TBC1D22A: variants seen among roughly 807,000 people sequenced by gnomAD.
TBC1D22A encodes the protein TBC1 domain family member 22A, also known as putative GTPase activator.
A neutral mutation model predicts 60.2 loss-of-function variants in TBC1D22A; 38 were observed. That is an observed-to-expected ratio of 0.63 (90% confidence interval 0.49 to 0.83). The LOEUF is 0.83. Among genes scored for constraint, TBC1D22A ranks in the 40% least tolerant of loss-of-function variants. The pLI, the probability that TBC1D22A is intolerant of heterozygous loss-of-function variation, is 0.00. For synonymous variants in TBC1D22A, 302 were observed against 281.7 expected (o/e 1.07, Z -0.72); for missense variants, 628 against 701.0 (o/e 0.90, Z 1.18).
chr22:46,934,066 G>A (rs1192752108), intron 8 of TBC1D22A, among the ~76,000 whole-genome samples: 5 of 152,036 alleles, frequency 3.3e-5, no homozygotes, highest in African/African-American at 1.2e-4. Flanking sequence ...TTATCTTCTC[G>A]AAAGGAAAAA....
At chr22:47,020,941 G>C (rs1043741042) in intron 10 of TBC1D22A, among the ~76,000 whole-genome samples, 4 of 152,154 alleles carry the variant, frequency 2.6e-5, no homozygotes, top group African/African-American at 9.7e-5. Flanking sequence ...GAAGTAAGGG[G>C]CTGGCCAGAG....
Position 46,891,371 on chromosome 22 carries a change from G to A in TBC1D22A, c.814G>A (p.Val272Ile). The A allele has an allele frequency of 6.2e-7, 1 of 1,612,518 alleles. No individual in the cohort carries two copies. The highest frequency in any genetic ancestry group is 8.5e-7 in the Non-Finnish European group (1 of 1,179,526). ...EHYYDSRNDE[V>I]HQDTYRQIHI... ...CTATTACGATTCTAGGAACGACGAAGTTCACCAGGACACATACAGGCAGGT... is the reference window on the plus strand; with the variant it reads ...CTATTACGATTCTAGGAACGACGAAATTCACCAGGACACATACAGGCAGGT... Residue 272 changes from valine to isoleucine, a missense_variant, in exon 6 of 13, where the codon GTT becomes ATT. Coordinates refer to ENST00000337137, the MANE Select transcript of TBC1D22A (RefSeq NM_014346.5).
intron 4 of TBC1D22A, among the ~76,000 whole-genome samples, chr22:46,871,284 C>T (rs2147431402): frequency 6.6e-6 from 1 of 152,236 alleles, no homozygotes; most frequent in South Asian, 2.1e-4. Context: ...TTTAACAGCC[C>T]TCCGTGAGTA....
intron 10 of TBC1D22A, among the ~76,000 whole-genome samples, chr22:47,031,326 C>A (rs1245360490): frequency 1.3e-5 from 2 of 152,220 alleles, no homozygotes; most frequent in Admixed American, 6.5e-5. Context: ...CTGCTGAGCC[C>A]CCGGCGGGCA....
rs1016834876 is a variant in TBC1D22A, at chr22:47,173,940, G to C, written c.*314G>C. On this transcript the variant is annotated 3_prime_UTR_variant, in exon 13 of 13. Transcript: ENST00000337137. ...AAATGACTGCCTCGTGCTGCCCCTA[G>C]TCCGGGGCAGCCTAGGAGGCCGACC... 1.4e-5 allele frequency: 4 copies of C among 279,660 alleles called. No individual in the cohort carries two copies. Among genetic ancestry groups the C allele is most frequent in the Admixed American group, 9.6e-5 (2 of 20,760 alleles). The allele number at this position is 279,660 out of a possible 1,614,324, so 17.3% of individuals were successfully genotyped here.
chr22:47,062,904 C>T (rs541060033), intron 11 of TBC1D22A, among the ~76,000 whole-genome samples: 10 of 132,374 alleles, frequency 7.6e-5, no homozygotes, highest in Non-Finnish European at 1.3e-4. Context: ...CTCCACAGCC[C>T]CCCAGGCCAC....
intron 12 of TBC1D22A, among the ~76,000 whole-genome samples, chr22:47,149,119 T>C (rs549910495): frequency 5.4e-4 from 82 of 152,212 alleles, no homozygotes; most frequent in African/African-American, 1.9e-3. Flanking sequence ...TGGTGCCCGT[T>C]GTTGGTCCAG....
intron 4 of TBC1D22A, among the ~76,000 whole-genome samples, chr22:46,861,469 C>G (rs571471359): frequency 6.6e-6 from 1 of 152,196 alleles, no homozygotes; most frequent in East Asian, 1.9e-4. Flanking sequence ...CTCAGGTGGC[C>G]GGAGACCCCA....
At chr22:46,870,794 G>A (rs904993066) in intron 4 of TBC1D22A, among the ~76,000 whole-genome samples, 2 of 152,188 alleles carry the variant, frequency 1.3e-5, no homozygotes, top group African/African-American at 4.8e-5. Flanking sequence ...AGGAGCAGAA[G>A]AGGGCAAATC....
chr22:46,781,777 G>A (rs936373350), intron 1 of TBC1D22A, among the ~76,000 whole-genome samples: 6 of 152,132 alleles, frequency 3.9e-5, no homozygotes, highest in Admixed American at 6.5e-5. Context: ...CTCTCCTGTC[G>A]TGGGTTAGAG....
At chr22:47,004,902 C>T (rs1025443809) in intron 10 of TBC1D22A, among the ~76,000 whole-genome samples, 3 of 151,856 alleles carry the variant, frequency 2.0e-5, no homozygotes, top group African/African-American at 7.3e-5. Context: ...CCTATATATA[C>T]ATACCTGCCA....
At chr22:46,904,105 A>ATCTATCTGTCTGTCTGTCTGTCTG (rs1555937245) in intron 7 of TBC1D22A, among the ~76,000 whole-genome samples, 2 of 53,210 alleles carry the variant, frequency 3.8e-5, no homozygotes, top group African/African-American at 1.7e-4. Context: ...AAATCTATCT[A>ATCTATCTGTCTGTCTGTCTGTCTG]TCTATCTATC....
At chr22:47,062,527 G>C (rs56147532) in intron 11 of TBC1D22A, among the ~76,000 whole-genome samples, 1 of 151,852 alleles carries the variant, frequency 6.6e-6, no homozygotes, top group South Asian at 2.1e-4. Flanking sequence ...TTCCTCTAGC[G>C]TGAGTGCCGT....
intron 8 of TBC1D22A, 96 bp downstream of exon 8, chr22:46,912,284 T>C (rs530158950): frequency 8.7e-6 from 7 of 800,170 alleles, no homozygotes; most frequent in South Asian, 7.4e-5. Flanking sequence ...CTACTAAGTG[T>C]AATGTTATTA....
At chr22:46,875,956 C>G (rs1194775714) in intron 4 of TBC1D22A, among the ~76,000 whole-genome samples, 2 of 144,800 alleles carry the variant, frequency 1.4e-5, no homozygotes, top group African/African-American at 5.8e-5. Flanking sequence ...GTGCTCATGA[C>G]CCCCCCTGTC....
chr22:47,150,263 C>T (rs1472396138), intron 12 of TBC1D22A, among the ~76,000 whole-genome samples: 2 of 152,156 alleles, frequency 1.3e-5, no homozygotes, highest in Non-Finnish European at 2.9e-5. Context: ...TACTGCCAAC[C>T]AGAAGTCAGA....
chr22:47,053,376 C>G (rs2063289230), intron 11 of TBC1D22A, among the ~76,000 whole-genome samples: 2 of 152,224 alleles, frequency 1.3e-5, no homozygotes, highest in Non-Finnish European at 2.9e-5. Flanking sequence ...ATCCCAGTCC[C>G]CCTTGGTAGG....
chr22:47,172,593 A>C (rs1177333080), intron 12 of TBC1D22A, among the ~76,000 whole-genome samples: 1 of 152,226 alleles, frequency 6.6e-6, no homozygotes, highest in African/African-American at 2.4e-5. Flanking sequence ...CTGAATTTTA[A>C]GAGTCTGATC....
intron 4 of TBC1D22A, among the ~76,000 whole-genome samples, chr22:46,805,679 C>T (rs1223681301): frequency 1.3e-5 from 2 of 152,098 alleles, no homozygotes; most frequent in Non-Finnish European, 2.9e-5. Flanking sequence ...GACATGGGCA[C>T]TTTCAAACCG....
Sources: gnomAD v4.1 joint callset for allele counts (sites outside exome capture counted in the v4.1 genomes callset) on GRCh38, gnomAD v4.1.1 for gene constraint, MANE v1.5 for transcripts, NCBI Gene and HGNC (gene_info 2026-07-23, HGNC 2026-07-21) for gene names.